The following SMARCAL1 variants were observed in gnomAD, a reference collection of about 807,000 sequenced individuals.
The protein encoded by SMARCAL1 is ATP-driven annealing helicase.
In SMARCAL1, 58 loss-of-function variants were observed where a neutral mutation model predicts 94.5. The ratio of observed to expected loss-of-function variants is 0.61; its 90% confidence interval spans 0.50 to 0.76. The LOEUF is 0.76. Ranked by LOEUF, SMARCAL1 falls within the 30% of genes least tolerant of loss-of-function variation. The probability of loss-of-function intolerance (pLI) is 0.00; values close to 1 mark genes in which losing one functional copy is unlikely to be tolerated. For synonymous variants in SMARCAL1, 422 were observed against 455.1 expected, an observed-to-expected ratio of 0.93 and a Z score of 0.93; for missense variants, 1,051 against 1,177.9, an observed-to-expected ratio of 0.89 and a Z score of 1.58.
At chr2:216,441,425 AC>A (rs1694194215) in intron 10 of SMARCAL1, among the ~76,000 whole-genome samples, 1 of 152,200 alleles carries the variant, frequency 6.6e-6, no homozygotes, top group African/African-American at 2.4e-5. Context: ...GCTAAAAAGA[AC>A]AAAGTTAAAA....
intron 12 of SMARCAL1, among the ~76,000 whole-genome samples, chr2:216,463,867 A>C (rs1021930845): frequency 6.6e-6 from 1 of 152,066 alleles, no homozygotes; most frequent in Admixed American, 6.6e-5. Flanking sequence ...ACATGGTGAA[A>C]CCCTGTCTCT....
chr2:216,479,671 T>C (rs1695157111), intron 17 of SMARCAL1, among the ~76,000 whole-genome samples: 1 of 152,170 alleles, frequency 6.6e-6, no homozygotes, highest in Admixed American at 6.5e-5. Context: ...AATAAGCCAA[T>C]TTTAAAACAA....
chr2:216,469,211 A>G (rs1279112058), intron 14 of SMARCAL1, among the ~76,000 whole-genome samples: 2 of 151,742 alleles, frequency 1.3e-5, no homozygotes, highest in African/African-American at 2.4e-5. Flanking sequence ...TTAAAAATTT[A>G]AAATAAATGA....
At chr2:216,430,918 A>G (rs1693947957) in intron 7 of SMARCAL1, among the ~76,000 whole-genome samples, 1 of 152,244 alleles carries the variant, frequency 6.6e-6, no homozygotes, top group Non-Finnish European at 1.5e-5. Context: ...GGTTGATCCC[A>G]GAAATGGTCC....
intron 6 of SMARCAL1, 152 bp downstream of exon 6, chr2:216,423,835 G>C: frequency 2.7e-6 from 2 of 732,602 alleles, no homozygotes; most frequent in East Asian, 5.4e-5. Context: ...ATGCAGCCTT[G>C]TCCACATCCA....
At position 216,482,071 on chromosome 2, in the gene SMARCAL1, T is replaced by C. The variant is rs1206187763; in HGVS notation, c.2626-667T>C. Among the ~76,000 whole-genome samples the C allele has an allele frequency of 1.3e-5, 2 of 152,228 alleles. No homozygotes were observed. The highest frequency in any genetic ancestry group is 2.9e-5 in the Non-Finnish European group (2 of 68,038). ...TTAAGGTAATCAGAATAGGTACACA[T>C]ATCTACTTATGAATATGTTAAATGT... On this transcript the variant is annotated intron_variant, in intron 17 of 17. Coordinates refer to ENST00000357276, the MANE Select transcript of SMARCAL1 (RefSeq NM_014140.4). The surrounding 1 kb of genome is among the most constrained non-coding windows in gnomAD (Gnocchi z 4.3).
At chr2:216,444,295 C>T (rs957940678) in intron 10 of SMARCAL1, among the ~76,000 whole-genome samples, 20 of 151,922 alleles carry the variant, frequency 1.3e-4, no homozygotes. Context: ...CTGGACTGAG[C>T]TTTGGAGAAC....
At chr2:216,451,092 G>A (rs749816756) in intron 12 of SMARCAL1, 28 bp downstream of exon 12, 26 of 1,574,536 alleles carry the variant, frequency 1.7e-5, no homozygotes, top group Non-Finnish European at 2.3e-5. Context: ...GACAGATTTG[G>A]AAGCAGACAT....
intron 5 of SMARCAL1, among the ~76,000 whole-genome samples, chr2:216,421,028 C>A (rs1237077663): frequency 6.6e-6 from 1 of 152,204 alleles, no homozygotes; most frequent in African/African-American, 2.4e-5. Context: ...GCGTTTCTCA[C>A]AAGTTCCCTG....
intron 12 of SMARCAL1, among the ~76,000 whole-genome samples, chr2:216,462,121 A>C (rs1694719684): frequency 6.6e-6 from 1 of 152,230 alleles, no homozygotes; most frequent in African/African-American, 2.4e-5. Flanking sequence ...GTACCATCCC[A>C]CCAGTCAAGT....
At position 216,420,401 on chromosome 2, in the gene SMARCAL1, T is replaced by A. The variant is rs150148936; in HGVS notation, c.965T>A (p.Leu322His). ...ACCAGCAGTGAGGGACAGGCCGGCC[T>A]TCCATCAGCTCCATCCCTTTCATTT... is the stretch of plus-strand genomic sequence containing the variant. ...PSTSSEGQAG[L>H]PSAPSLSFVK... The change falls in exon 5 of 18, where the codon CTT (leucine) becomes CAT (histidine). Residue 322 changes from leucine to histidine, a missense_variant. This residue lies in a region of SMARCAL1 where 398 missense variants were observed against 395.2 expected (regional missense o/e 1.01). Coordinates refer to ENST00000357276, the MANE Select transcript of SMARCAL1 (RefSeq NM_014140.4). 4.0e-5 allele frequency: 65 copies of A among 1,614,058 alleles called. No homozygotes were observed. In the African/African-American group the frequency reaches 7.7e-4, roughly 19 times the overall value.
chr2:216,472,200 C>T (rs560430609), intron 14 of SMARCAL1, among the ~76,000 whole-genome samples: 1 of 152,068 alleles, frequency 6.6e-6, no homozygotes, highest in African/African-American at 2.4e-5. Context: ...ACTAAGAATA[C>T]AAAAATTAGC....
intron 4 of SMARCAL1, 92 bp from the exon 5 acceptor site, chr2:216,420,207 C>T: frequency 9.9e-7 from 1 of 1,008,328 alleles, no homozygotes; most frequent in Non-Finnish European, 1.5e-6. Context: ...CATGTCCCTT[C>T]CCCACTTTCT....
intron 11 of SMARCAL1, among the ~76,000 whole-genome samples, chr2:216,448,839 A>G (rs1003913498): frequency 6.6e-6 from 1 of 152,144 alleles, no homozygotes; most frequent in African/African-American, 2.4e-5. Context: ...CTCAAAAAAA[A>G]AAAAGAAAAA....
At position 216,415,330 on chromosome 2, in the gene SMARCAL1, C is replaced by G. The variant is rs1458680584; in HGVS notation, c.626C>G (p.Ser209Cys). 6.2e-7 allele frequency: 1 copy of G among 1,614,134 alleles called. No homozygotes were observed. Among genetic ancestry groups the G allele is most frequent in the Non-Finnish European group, 8.5e-7 (1 of 1,180,054 alleles). The change falls in exon 3 of 18, where the codon TCT becomes TGT. Residue 209 changes from serine (S) to cysteine (C), a missense_variant. Physicochemically the swap from Ser to Cys is moderately radical, Grantham distance 112. This residue lies in a region of SMARCAL1 where 398 missense variants were observed against 395.2 expected (regional missense o/e 1.01). Transcript: ENST00000357276. ...GGGCAGAACATTTCTTACATCCATT[C>G]TAGCTCAGAGAGTGTAACGCCCAGG... ...PSGQNISYIH[S>C]SSESVTPRTE... is the part of the protein sequence containing the mutation.
chr2:216,478,086 A>T, intron 16 of SMARCAL1, 117 bp from the exon 17 acceptor site: 2 of 877,536 alleles, frequency 2.3e-6, no homozygotes, highest in Non-Finnish European at 3.9e-6. Context: ...AGAGATGCAG[A>T]GATGTGAAAC....
chr2:216,420,631 CT>C, intron 5 of SMARCAL1, 99 bp downstream of exon 5: 1 of 914,866 alleles, frequency 1.1e-6, no homozygotes, highest in Non-Finnish European at 1.8e-6. Flanking sequence ...AAATTACTTT[CT>C]TGGGAAAGAC....
In SMARCAL1 at chr2:216,482,141, G is replaced by T. The variant is rs748299806; in HGVS notation, c.2626-597G>T. On this transcript the variant is annotated intron_variant, in intron 17 of 17. Coordinates refer to ENST00000357276, the MANE Select transcript of SMARCAL1 (RefSeq NM_014140.4). The surrounding 1 kb of genome is among the most constrained non-coding windows in gnomAD (Gnocchi z 4.3). Reference sequence around the variant, plus strand: ...CTTTGAAAATTAGGTATAAGCCATGGCTGAACACAGAGATTTGGAAGTTGG... The same window carrying T: ...CTTTGAAAATTAGGTATAAGCCATGTCTGAACACAGAGATTTGGAAGTTGG... Among the ~76,000 whole-genome samples, 26 of 152,074 alleles carry T rather than the reference G, an allele frequency of 1.7e-4. No homozygotes were observed. Among genetic ancestry groups the T allele is most frequent in the Non-Finnish European group, 3.4e-4 (23 of 68,026 alleles).
At chr2:216,452,215 T>A (rs1396806612) in intron 12 of SMARCAL1, among the ~76,000 whole-genome samples, 1 of 152,206 alleles carries the variant, frequency 6.6e-6, no homozygotes, top group East Asian at 1.9e-4. Flanking sequence ...TCAGATTATA[T>A]TTCAGTGGAA....
Sources: gnomAD v4.1 joint callset for allele counts (sites outside exome capture counted in the v4.1 genomes callset) on GRCh38, gnomAD v4.1.1 for gene constraint, gnomAD v4.1.1 regional missense constraint, Gnocchi (gnomAD v3.1) non-coding constraint, MANE v1.5 for transcripts, NCBI Gene and HGNC (gene_info 2026-07-23, HGNC 2026-07-21) for gene names.